The following TMEM132D variants were observed in gnomAD, a reference collection of about 807,000 sequenced individuals.
TMEM132D encodes the protein mature OL transmembrane protein.
TMEM132D carries 21 observed loss-of-function variants against 62.3 expected under a neutral mutation model. The ratio of observed to expected loss-of-function variants is 0.34; its 90% CI spans 0.24 to 0.49. TMEM132D has a LOEUF of 0.49. Among genes scored for constraint, TMEM132D ranks in the 20% least tolerant of loss-of-function variants. The probability of loss-of-function intolerance (pLI) is 0.99; values close to 1 mark genes in which losing one functional copy is unlikely to be tolerated. For synonymous variants in TMEM132D, 621 were observed against 575.6 expected (o/e 1.08, Z -1.13); for missense variants, 1,346 against 1,402.8 (o/e 0.96, Z 0.65).
At chr12:129,146,198 G>A (rs1193949358) in intron 5 of TMEM132D, among the ~76,000 whole-genome samples, 1 of 151,756 alleles carries the variant, frequency 6.6e-6, no homozygotes, top group Non-Finnish European at 1.5e-5. Context: ...TATTAGTCCT[G>A]CATAACTAAA....
intron 5 of TMEM132D, among the ~76,000 whole-genome samples, chr12:129,150,451 G>A (rs944950566): frequency 2.6e-5 from 4 of 152,204 alleles, no homozygotes; most frequent in African/African-American, 7.2e-5. Context: ...AACTAAGTAT[G>A]TTATAATGAT....
chr12:129,743,346 AC>A (rs1462147615), intron 1 of TMEM132D, among the ~76,000 whole-genome samples: 1 of 152,126 alleles, frequency 6.6e-6, no homozygotes, highest in Non-Finnish European at 1.5e-5. Context: ...AGTGGCAGTT[AC>A]CCCCATGCTG....
At chr12:129,471,255 T>C (rs1183220181) in intron 3 of TMEM132D, among the ~76,000 whole-genome samples, 1 of 151,638 alleles carries the variant, frequency 6.6e-6, no homozygotes, top group Non-Finnish European at 1.5e-5. Flanking sequence ...CAACCCTGCA[T>C]TGAGCAAGTC....
chr12:129,255,761 A>T (rs1880383501), intron 4 of TMEM132D, among the ~76,000 whole-genome samples: 2 of 152,186 alleles, frequency 1.3e-5, no homozygotes, highest in African/African-American at 4.8e-5. Context: ...GCATTTCCAG[A>T]TTCTACATTT....
intron 4 of TMEM132D, among the ~76,000 whole-genome samples, chr12:129,256,412 A>G (rs1456098689): frequency 1.3e-5 from 2 of 151,988 alleles, no homozygotes; most frequent in Non-Finnish European, 2.9e-5. Context: ...GGGTATCCAG[A>G]GTAAAATCCA....
chr12:129,189,552 C>CCACCGTGCATCTGACCCAGGGTG (rs1302750141), intron 5 of TMEM132D, among the ~76,000 whole-genome samples: 3 of 152,068 alleles, frequency 2.0e-5, no homozygotes, highest in Non-Finnish European at 4.4e-5. Context: ...TGCCCATAGC[C>CCACCGTGCATCTGACCCAGGGTG]CACCGTGCAT....
intron 2 of TMEM132D, among the ~76,000 whole-genome samples, chr12:129,688,321 T>C (rs1353750967): frequency 6.6e-6 from 1 of 152,170 alleles, no homozygotes; most frequent in Non-Finnish European, 1.5e-5. Context: ...TTGGTAGAGA[T>C]GTAACCAGTG....
intron 5 of TMEM132D, among the ~76,000 whole-genome samples, chr12:129,130,894 T>A (rs1028274890): frequency 3.3e-5 from 5 of 152,324 alleles, no homozygotes; most frequent in Non-Finnish European, 7.4e-5. Context: ...CAAGTGTGGT[T>A]CTCACCCATT....
intron 3 of TMEM132D, among the ~76,000 whole-genome samples, chr12:129,369,608 T>C (rs1593354297): frequency 6.6e-6 from 1 of 152,204 alleles, no homozygotes. Flanking sequence ...TCTTGAAACA[T>C]CCCACCTAGC....
intron 1 of TMEM132D, among the ~76,000 whole-genome samples, chr12:129,829,212 G>GA (rs1347666145): frequency 7.9e-5 from 12 of 151,552 alleles, no homozygotes; most frequent in South Asian, 6.3e-4. Flanking sequence ...ATCAGAAAAT[G>GA]AAAAAAAAGA....
intron 1 of TMEM132D, among the ~76,000 whole-genome samples, chr12:129,896,937 T>C (rs1175638040): frequency 6.6e-6 from 1 of 152,214 alleles, no homozygotes; most frequent in Non-Finnish European, 1.5e-5. Context: ...GCTTTTCAGA[T>C]GCATGCCACA....
At chr12:129,312,562 T>C (rs1882002031) in intron 4 of TMEM132D, among the ~76,000 whole-genome samples, 2 of 152,164 alleles carry the variant, frequency 1.3e-5, no homozygotes, top group East Asian at 3.8e-4. Flanking sequence ...GTTTTTTTTG[T>C]TTGTTTGTTT....
chr12:129,628,746 G>A (rs776933858), intron 2 of TMEM132D, among the ~76,000 whole-genome samples: 12 of 152,122 alleles, frequency 7.9e-5, no homozygotes, highest in Non-Finnish European at 1.6e-4. Flanking sequence ...GGCCATGTCT[G>A]TCTCCCTCTC....
chr12:129,710,891 G>A (rs543381266), intron 1 of TMEM132D, among the ~76,000 whole-genome samples: 1 of 150,780 alleles, frequency 6.6e-6, no homozygotes, highest in South Asian at 2.1e-4. Context: ...TTCCCCGGCT[G>A]TGTTCAGCCT....
At chr12:129,233,248 G>A (rs773228184) in intron 4 of TMEM132D, among the ~76,000 whole-genome samples, 5 of 152,204 alleles carry the variant, frequency 3.3e-5, no homozygotes, top group Non-Finnish European at 7.3e-5. Flanking sequence ...CAGCTGCTGA[G>A]TTCATCCCAG....
chr12:129,510,936 T>G (rs1747741143), intron 3 of TMEM132D, among the ~76,000 whole-genome samples: 1 of 152,200 alleles, frequency 6.6e-6, no homozygotes, highest in African/African-American at 2.4e-5. Context: ...TACCATGCGG[T>G]TTAGGTTACT....
At chr12:129,375,403 T>G (rs956489196) in intron 3 of TMEM132D, among the ~76,000 whole-genome samples, 1 of 152,206 alleles carries the variant, frequency 6.6e-6, no homozygotes, top group African/African-American at 2.4e-5. Flanking sequence ...GGGAATCATC[T>G]GTGTCATAAG....
At chr12:129,479,583 G>A (rs1874374095) in intron 3 of TMEM132D, among the ~76,000 whole-genome samples, 1 of 152,190 alleles carries the variant, frequency 6.6e-6, no homozygotes, top group Non-Finnish European at 1.5e-5. Flanking sequence ...TACATTTTAT[G>A]CAGGCAAGAG....
intron 3 of TMEM132D, among the ~76,000 whole-genome samples, chr12:129,373,629 T>A (rs1009115509): frequency 2.6e-5 from 4 of 151,628 alleles, no homozygotes; most frequent in Non-Finnish European, 5.9e-5. Context: ...GAGACTTGTC[T>A]CAAACAAACA....
Sources: gnomAD v4.1 joint callset for allele counts (sites outside exome capture counted in the v4.1 genomes callset) on GRCh38, gnomAD v4.1.1 for gene constraint, MANE v1.5 for transcripts, NCBI Gene and HGNC (gene_info 2026-07-23, HGNC 2026-07-21) for gene names.